The following GAS6 variants were observed in gnomAD, a reference collection of about 807,000 sequenced individuals.
The protein encoded by GAS6 is growth arrest-specific protein 6.
A neutral mutation model predicts 75.8 loss-of-function variants in GAS6; 41 were observed. That is an observed-to-expected ratio of 0.54 (90% CI 0.42 to 0.70). The LOEUF (loss-of-function observed/expected upper bound fraction) is 0.70, where lower values mean the gene tolerates loss of function less well. Ranked by LOEUF, GAS6 falls within the 30% of genes least tolerant of loss-of-function variation. The probability of loss-of-function intolerance (pLI) is 0.00; values close to 1 mark genes in which losing one functional copy is unlikely to be tolerated. For synonymous variants in GAS6, 432 were observed against 412.6 expected (o/e 1.05, Z -0.57); for missense variants, 854 against 940.2 (o/e 0.91, Z 1.20).
chr13:113,833,464 A>G, intron 8 of GAS6: 1 of 989,676 alleles, frequency 1.0e-6, no homozygotes, highest in Non-Finnish European at 1.2e-6. Context: ...TGCTTTTTAA[A>G]TAAATGCTCA....
At position 113,835,716 on chromosome 13, in the gene GAS6, C is replaced by G; in HGVS notation, c.590-81G>C. 6.4e-6 allele frequency: 10 copies of G among 1,552,222 alleles called. No homozygotes were observed. The South Asian group carries it at 1.1e-4, about 17-fold the overall frequency. On this transcript the variant is annotated intron_variant, in intron 6 of 14. Transcript: ENST00000327773. The stretch of plus-strand genomic sequence containing the variant: ...GGGGCAGGCGGCTGCAGGGACTGGC[C>G]AGGGCACCACCCAGAGGTCGCATCC...
intron 2 of GAS6, among the ~76,000 whole-genome samples, chr13:113,860,286 T>G (rs538560977): frequency 6.6e-6 from 1 of 152,258 alleles, no homozygotes; most frequent in Admixed American, 6.5e-5. Context: ...CCACCAGCCC[T>G]CGGTGAATAT....
intron 12 of GAS6, among the ~76,000 whole-genome samples, chr13:113,823,973 A>G (rs1461928429): frequency 6.6e-6 from 1 of 152,200 alleles, no homozygotes; most frequent in East Asian, 1.9e-4. Context: ...AGGTAGCAGC[A>G]CAGGGCCCAG....
intron 6 of GAS6, 79 bp from the exon 7 acceptor site, chr13:113,835,714 G>GC (rs1471055484): frequency 5.1e-6 from 8 of 1,557,020 alleles, no homozygotes; most frequent in Non-Finnish European, 6.9e-6. Flanking sequence ...GCAGGGACTG[G>GC]CCAGGGCACC....
rs1183213127 is a variant in GAS6, at chr13:113,832,809, G to A, written c.835-57C>T. On this transcript the variant is annotated intron_variant, in intron 8 of 14. Transcript: ENST00000327773. ...ATGTGGCCTTCACTCCTGCTCCCCT[G>A]AGCCCCACGCCCCGGCCGCGCAGCG... 4.3e-6 allele frequency: 7 copies of A among 1,609,344 alleles called. No homozygotes were observed. In the African/African-American group the frequency reaches 8.0e-5, roughly 18 times the overall value.
chr13:113,862,921 G>A (rs1566378489), intron 2 of GAS6, among the ~76,000 whole-genome samples: 1 of 152,140 alleles, frequency 6.6e-6, no homozygotes, highest in African/African-American at 2.4e-5. Context: ...TGGCCAGGCC[G>A]TCCTCACACG....
At chr13:113,851,976 T>G (rs1034904852) in intron 2 of GAS6, among the ~76,000 whole-genome samples, 1 of 152,216 alleles carries the variant, frequency 6.6e-6, no homozygotes, top group Non-Finnish European at 1.5e-5. Context: ...ATTAGGTCTC[T>G]CGGAGGTTTG....
rs374157596 is a variant in GAS6, at chr13:113,839,011, G to A, written c.466+717C>T. ...GAGGGCATGGGGGATCCCCAGCTGCGGTCTCAGCCTGGGGAGCTGCTGGCA... is the reference window on the plus strand; with the variant it reads ...GAGGGCATGGGGGATCCCCAGCTGCAGTCTCAGCCTGGGGAGCTGCTGGCA... On this transcript the variant is annotated intron_variant, in intron 5 of 14. Transcript: ENST00000327773. 38 of 167,846 alleles carry A rather than the reference G, an allele frequency of 2.3e-4. 1 individual carries two copies. The highest frequency in any genetic ancestry group is 5.6e-3 in the Middle Eastern group (2 of 356). 10.4% of individuals were successfully genotyped at this position (167,846 alleles called of 1,614,324 possible). A position where few individuals can be genotyped will look rare whatever the true frequency, so the allele number is the denominator to read the frequency against.
chr13:113,828,524 A>G lies in GAS6; in HGVS notation c.1308+23T>C, dbSNP rs75474693. 1,018 of 1,604,554 alleles carry G rather than the reference A, an allele frequency of 6.3e-4. 9 individuals are homozygous for G. In the East Asian group the frequency reaches 0.017, roughly 28 times the overall value. ...GGATCCCAGCACACGGCGCGTCTACACAGGGACAGGTACAGTACTCACAGG... is the reference window on the plus strand; with the variant it reads ...GGATCCCAGCACACGGCGCGTCTACGCAGGGACAGGTACAGTACTCACAGG... On this transcript the variant is annotated intron_variant, in intron 11 of 14. Transcript: ENST00000327773.
Position 113,823,482 on chromosome 13 carries a change from C to A in GAS6, c.1546G>T (p.Ala516Ser). Residue 516 changes from alanine (A) to serine (S), a missense_variant, in exon 13 of 15, where the codon GCC becomes TCC. By Grantham distance (99) the Ala-to-Ser change is moderately conservative. Transcript: ENST00000327773. ...GCAAACAGCACGCCTGTGTCTGCGG[C>A]TGGGCGGATGTGAGCCACGACTTCT... ...EVEVVAHIRP[A>S]ADTGVLFALW... The A allele has an allele frequency of 2.5e-6, 4 of 1,612,794 alleles. No individual in the cohort carries two copies. In the East Asian group the frequency reaches 8.9e-5, roughly 36 times the overall value.
intron 12 of GAS6, 131 bp downstream of exon 12, chr13:113,826,865 A>ACCCC (rs1566355131): frequency 2.4e-5 from 3 of 125,266 alleles, no homozygotes; most frequent in African/African-American, 5.6e-5. Context: ...CCGCCCACCC[A>ACCCC]TCCCTGCCCC....
chr13:113,857,616 C>T (rs760331071), intron 2 of GAS6, among the ~76,000 whole-genome samples: 11 of 152,220 alleles, frequency 7.2e-5, no homozygotes, highest in Non-Finnish European at 1.6e-4. Context: ...AAAGCCATAA[C>T]CTGGGAAGTG....
rs760636776 is a variant in GAS6, at chr13:113,820,978, G to A, written c.1923C>T (p.Arg641=). Residue 641 remains arginine (R), a synonymous_variant, in exon 15 of 15, where the codon CGC becomes CGT. Transcript: ENST00000327773. The part of the protein sequence containing the change: ...VTSAPVTAFY[R]GCMTLEVNRR... ...GGTTGACCTCCAGTGTCATGCAGCC[G>A]CGGTAGAACGCGGTGACTGGCGCTG... 3.4e-5 allele frequency: 55 copies of A among 1,612,570 alleles called. 1 individual carries two copies. Among genetic ancestry groups the A allele is most frequent in the South Asian group, 1.1e-4 (10 of 91,076 alleles).
chr13:113,836,118 G>T, intron 6 of GAS6: 2 of 951,590 alleles, frequency 2.1e-6, no homozygotes, highest in Non-Finnish European at 2.5e-6. Flanking sequence ...TTACGGCCAA[G>T]CACCCTGGGG....
chr13:113,842,518 G>A, intron 4 of GAS6: 4 of 396,606 alleles, frequency 1.0e-5, no homozygotes, highest in Non-Finnish European at 1.8e-5. Context: ...TGTCCGCGGG[G>A]CGTCTGGAGA....
intron 2 of GAS6, among the ~76,000 whole-genome samples, chr13:113,857,887 G>A (rs1376679571): frequency 6.6e-6 from 1 of 152,234 alleles, no homozygotes; most frequent in South Asian, 2.1e-4. Flanking sequence ...GCCTGCAGAC[G>A]CCCGGGTGAA....
chr13:113,860,228 T>G (rs2051960643), intron 2 of GAS6, among the ~76,000 whole-genome samples: 1 of 152,048 alleles, frequency 6.6e-6, no homozygotes, highest in Non-Finnish European at 1.5e-5. Flanking sequence ...GTCGTGCAGG[T>G]GCGGGTACAG....
At chr13:113,821,758 C>T (rs2051461957) in intron 14 of GAS6, 200 bp downstream of exon 14, 1 of 554,160 alleles carries the variant, frequency 1.8e-6, no homozygotes, top group Non-Finnish European at 3.2e-6. Flanking sequence ...GTTTCTCAGT[C>T]TCAGCCAATG....
intron 2 of GAS6, among the ~76,000 whole-genome samples, chr13:113,859,500 TAGTA>T (rs2051952889): frequency 1.3e-5 from 2 of 151,644 alleles, no homozygotes; most frequent in South Asian, 2.1e-4. Context: ...ACATGTCTGT[TAGTA>T]TGTGTGTGTG....
Sources: gnomAD v4.1 joint callset for allele counts (sites outside exome capture counted in the v4.1 genomes callset) on GRCh38, gnomAD v4.1.1 for gene constraint, MANE v1.5 for transcripts, NCBI Gene and HGNC (gene_info 2026-07-23, HGNC 2026-07-21) for gene names.